The following FAH variants were observed in gnomAD, a reference collection of about 807,000 sequenced individuals.
FAH encodes the protein fumarylacetoacetase.
FAH carries 47 observed loss-of-function variants against 55.8 expected under a neutral mutation model. The observed-to-expected ratio is 0.84, with a 90% CI of 0.67 to 1.07. The LOEUF is 1.07. Ranked by LOEUF, FAH falls within the 50% of genes least tolerant of loss-of-function variation. FAH has a pLI of 0.00. For missense variants in FAH, 495 were observed against 545.9 expected, an observed-to-expected ratio of 0.91 and a Z score of 0.93; for synonymous variants, 199 against 207.7, an observed-to-expected ratio of 0.96 and a Z score of 0.36.
intron 1 of FAH, 37 bp from the exon 2 acceptor site, chr15:80,158,023 G>A: frequency 6.6e-7 from 1 of 1,512,718 alleles, no homozygotes; most frequent in Non-Finnish European, 9.2e-7. Context: ...CCAGCCAGGG[G>A]CTTTTTCTGG....
At chr15:80,168,638 C>T (rs1005062951) in intron 7 of FAH, among the ~76,000 whole-genome samples, 24 of 152,348 alleles carry the variant, frequency 1.6e-4, no homozygotes, top group African/African-American at 5.5e-4. Flanking sequence ...CTAGGTGAGG[C>T]TGGACAAGGT....
intron 5 of FAH, 172 bp downstream of exon 5, chr15:80,162,508 C>A: frequency 1.4e-6 from 1 of 692,940 alleles, no homozygotes; most frequent in Non-Finnish European, 2.6e-6. Context: ...TCCTGCTCAG[C>A]TTGGCTTAGG....
rs56104030 is a variant in FAH, at chr15:80,180,915, C to A, written c.1063-127C>A. The A allele has an allele frequency of 2.1e-3, 1,543 of 732,174 alleles. 14 individuals carry two copies. In the African/African-American group the frequency reaches 0.022, roughly 11 times the overall value. The allele number at this position is 732,174 out of a possible 1,614,324, so 45.4% of individuals were successfully genotyped here. A position where few individuals can be genotyped will look rare whatever the true frequency, so the allele number is the denominator to read the frequency against. ...TGCAGTGATCCCACCAAGGCCGAGG[C>A]AGGGTCTCTGAGGGGCATGAGGGCC... On this transcript the variant is annotated intron_variant, in intron 12 of 13. Transcript: ENST00000561421.
At position 80,162,264 on chromosome 15, in the gene FAH, A is replaced by C. The variant is rs746854963; in HGVS notation, c.383A>C (p.Tyr128Ser). 1 of 1,614,194 alleles carries C rather than the reference A, an allele frequency of 6.2e-7. No homozygotes were observed. Among genetic ancestry groups the C allele is most frequent in the Non-Finnish European group, 8.5e-7 (1 of 1,179,988 alleles). The change falls in exon 5 of 14, where the codon TAT becomes TCT. Residue 128 changes from tyrosine (Y) to serine (S), a missense_variant. Physicochemically the swap from Tyr to Ser is moderately radical, Grantham distance 144. Coordinates refer to ENST00000561421, the MANE Select transcript of FAH (RefSeq NM_000137.4). ...PATIGDYTDF[Y>S]SSRQHATNVG... ...TCTGCAGGAGACTACACAGACTTCTATTCCTCTCGGCAGCATGCTACCAAC... is the reference window on the plus strand; with the variant it reads ...TCTGCAGGAGACTACACAGACTTCTCTTCCTCTCGGCAGCATGCTACCAAC...
At chr15:80,181,409 A>G (rs1173601793) in intron 13 of FAH, among the ~76,000 whole-genome samples, 2 of 152,160 alleles carry the variant, frequency 1.3e-5, no homozygotes, top group African/African-American at 4.8e-5. Flanking sequence ...GAGCATAGTT[A>G]TAAAATACTG....
At position 80,179,510 on chromosome 15, in the gene FAH, G is replaced by A. The variant is rs978113631; in HGVS notation, c.961-614G>A. Among the ~76,000 whole-genome samples the A allele has an allele frequency of 3.9e-5, 6 of 152,096 alleles. No individual in the cohort carries two copies. The South Asian group carries it at 6.2e-4, about 16-fold the overall frequency. ...TGTGAGAAGCTGTGGCCTGGGACAG[G>A]CATGGGCGTGCATTGCATCTGAGCG... is the stretch of plus-strand genomic sequence containing the variant. On this transcript the variant is annotated intron_variant, in intron 11 of 13. Coordinates refer to ENST00000561421, the MANE Select transcript of FAH (RefSeq NM_000137.4).
At chr15:80,165,620 C>T (rs1013745961) in intron 5 of FAH, among the ~76,000 whole-genome samples, 5 of 149,562 alleles carry the variant, frequency 3.3e-5, no homozygotes, top group Admixed American at 6.7e-5. Context: ...ACTTGAACCT[C>T]GGAGGTGGAG....
intron 7 of FAH, among the ~76,000 whole-genome samples, chr15:80,171,346 G>GA (rs376631436): frequency 0.23 from 35,466 of 152,098 alleles, 4,855 homozygotes; most frequent in Middle Eastern, 0.33. Context: ...CCTTTGTAGG[G>GA]ACATGGATGA....
At chr15:80,167,966 T>G in intron 5 of FAH, 86 bp from the exon 6 acceptor site, 1 of 1,106,958 alleles carries the variant, frequency 9.0e-7, no homozygotes, top group Non-Finnish European at 1.4e-6. Context: ...TGGCGACTCT[T>G]TGTTTCTAGT....
At chr15:80,160,649 G>A in intron 4 of FAH, 190 bp downstream of exon 4, 1 of 699,032 alleles carries the variant, frequency 1.4e-6, no homozygotes, top group Non-Finnish European at 2.6e-6. Flanking sequence ...CATTCACTCA[G>A]GCTATTATCT....
chr15:80,174,783 T>C (rs372461543), intron 9 of FAH, among the ~76,000 whole-genome samples: 1 of 152,288 alleles, frequency 6.6e-6, no homozygotes, highest in East Asian at 1.9e-4. Context: ...CCTGTGACCT[T>C]TGACCTGCTG....
intron 7 of FAH, 27 bp downstream of exon 7, chr15:80,168,343 A>G: frequency 1.2e-6 from 2 of 1,610,268 alleles, no homozygotes; most frequent in South Asian, 1.1e-5. Context: ...TTTTATTGCC[A>G]TGGGATCTAT....
intron 13 of FAH, among the ~76,000 whole-genome samples, chr15:80,183,776 A>T (rs1411772897): frequency 6.6e-6 from 1 of 152,184 alleles, no homozygotes; most frequent in Non-Finnish European, 1.5e-5. Flanking sequence ...TACATTTTCT[A>T]TTCCAAACAA....
chr15:80,170,578 G>A lies in FAH; in HGVS notation c.607-1571G>A, dbSNP rs889699924. Among the ~76,000 whole-genome samples the A allele has an allele frequency of 2.0e-5, 3 of 152,238 alleles. No individual in the cohort carries two copies. In the East Asian group the frequency reaches 5.8e-4, roughly 29 times the overall value. On this transcript the variant is annotated intron_variant, in intron 7 of 13. Coordinates refer to ENST00000561421, the MANE Select transcript of FAH (RefSeq NM_000137.4). ...GACTGCGGGAGGAGGACCCCCAGCT[G>A]AGATTCATCAGAGCAGGGCATCTGA...
At chr15:80,175,972 C>T (rs1024552619) in intron 10 of FAH, among the ~76,000 whole-genome samples, 1 of 152,208 alleles carries the variant, frequency 6.6e-6, no homozygotes, top group African/African-American at 2.4e-5. Flanking sequence ...ACACTCTGGC[C>T]AAATCTCCTT....
intron 5 of FAH, among the ~76,000 whole-genome samples, chr15:80,164,541 C>A (rs2041175955): frequency 1.3e-5 from 2 of 151,966 alleles, no homozygotes; most frequent in Admixed American, 6.5e-5. Flanking sequence ...CACACACACA[C>A]ACACACGCAT....
chr15:80,181,749 AT>A (rs796502411), intron 13 of FAH, among the ~76,000 whole-genome samples: 4 of 151,804 alleles, frequency 2.6e-5, no homozygotes, highest in Non-Finnish European at 5.9e-5. Context: ...ATCTTTAATT[AT>A]TTTTTTTGTT....
In FAH at chr15:80,181,116, G is replaced by T; in HGVS notation, c.1137G>T (p.Gln379His). 6.2e-7 allele frequency: 1 copy of T among 1,613,904 alleles called. No homozygotes were observed. The highest frequency in any genetic ancestry group is 1.1e-5 in the South Asian group (1 of 91,012). ...AGCCCATAGACCTGGGGAATGGTCAGACCAGGAAGTTTCTGCTGGACGGGG... is the reference window on the plus strand; with the variant it reads ...AGCCCATAGACCTGGGGAATGGTCATACCAGGAAGTTTCTGCTGGACGGGG... The part of the protein sequence containing the change: ...GTKPIDLGNG[Q>H]TRKFLLDGDE... The change falls in exon 13 of 14, where the codon CAG becomes CAT. Residue 379 changes from glutamine to histidine, a missense_variant. Transcript: ENST00000561421.
chr15:80,179,601 G>T (rs888968194), intron 11 of FAH, among the ~76,000 whole-genome samples: 1 of 152,236 alleles, frequency 6.6e-6, no homozygotes. Context: ...GCTCTCCCTC[G>T]CTCCTTGGCC....
Sources: gnomAD v4.1 joint callset for allele counts (sites outside exome capture counted in the v4.1 genomes callset) on GRCh38, gnomAD v4.1.1 for gene constraint, MANE v1.5 for transcripts, NCBI Gene and HGNC (gene_info 2026-07-23, HGNC 2026-07-21) for gene names.